Variants in PLAAT5 observed in about 807,000 individuals in gnomAD.
The protein encoded by PLAAT5 is phospholipase A and acyltransferase 5, also known as Ca(2+)-independent N-acyltransferase.
A neutral mutation model predicts 27.8 loss-of-function variants in PLAAT5; 27 were observed. The ratio of observed to expected loss-of-function variants is 0.97; its 90% CI spans 0.72 to 1.34. The LOEUF (loss-of-function observed/expected upper bound fraction) is 1.34. Among genes scored for constraint, PLAAT5 ranks in the 40% most tolerant of loss-of-function variants. PLAAT5 has a pLI of 0.00. For synonymous variants in PLAAT5, 125 were observed against 136.1 expected (o/e 0.92, Z 0.57); for missense variants, 368 against 343.8 (o/e 1.07, Z -0.56).
At chr11:63,473,064 C>T (rs923991532) in intron 3 of PLAAT5, among the ~76,000 whole-genome samples, 1 of 151,752 alleles carries the variant, frequency 6.6e-6, no homozygotes, top group African/African-American at 2.4e-5. Context: ...GAGCTGAGAT[C>T]GTGCCACTGC....
chr11:63,483,820 T>C (rs3015981), intron 3 of PLAAT5, among the ~76,000 whole-genome samples: 9 of 88,020 alleles, frequency 1.0e-4, no homozygotes, highest in African/African-American at 5.6e-4. Context: ...TATATATATA[T>C]ATATATATAT....
In PLAAT5 at chr11:63,490,243, C is replaced by T. The variant is rs2016529045; in HGVS notation, c.239G>A (p.Gly80Glu). ...TLEQGRSIQQ[G>E]EKAVVSLETT... ...GACCCCAACCTTACAATCTTCTTAC[C>T]CTTGCTGGATGCTTCTGCCCTGTTC... Residue 80 changes from glycine (G) to glutamate (E), a missense_variant and splice_region_variant, in exon 2 of 6, where the codon GGG (glycine) becomes GAG (glutamate). Physicochemically the swap from Gly to Glu is moderately conservative, Grantham distance 98. Transcript: ENST00000540857. 6.2e-7 allele frequency: 1 copy of T among 1,614,084 alleles called. No homozygotes were observed. Among genetic ancestry groups the T allele is most frequent in the African/African-American group, 1.3e-5 (1 of 74,934 alleles).
chr11:63,484,159 G>GAA (rs763657277), intron 3 of PLAAT5, among the ~76,000 whole-genome samples: 19 of 107,230 alleles, frequency 1.8e-4, no homozygotes, highest in African/African-American at 3.7e-4. Flanking sequence ...GCCAACAACA[G>GAA]AAAAAAAAAA....
chr11:63,490,137 G>A (rs2016525972), intron 2 of PLAAT5, 106 bp downstream of exon 2: 1 of 1,485,012 alleles, frequency 6.7e-7, no homozygotes, highest in Non-Finnish European at 9.3e-7. Context: ...CGGCTGGCTG[G>A]TTCACACAAA....
chr11:63,465,966 C>CTTA (rs2015849708), intron 5 of PLAAT5, 144 bp downstream of exon 5: 1 of 870,140 alleles, frequency 1.1e-6, no homozygotes, highest in Non-Finnish European at 1.7e-6. Context: ...CCTCCTGAAC[C>CTTA]ATAAAGTCCT....
chr11:63,478,360 A>T (rs1321907442), intron 3 of PLAAT5, among the ~76,000 whole-genome samples: 2 of 150,924 alleles, frequency 1.3e-5, no homozygotes, highest in Non-Finnish European at 2.9e-5. Flanking sequence ...TTGCTCTGTT[A>T]CCCAGGCTGG....
At chr11:63,472,982 C>T (rs1342224565) in intron 3 of PLAAT5, among the ~76,000 whole-genome samples, 10 of 151,930 alleles carry the variant, frequency 6.6e-5, no homozygotes, top group East Asian at 1.9e-4. Flanking sequence ...TGGTGGCACA[C>T]GCCTGTAGTC....
chr11:63,483,784 AATATATATATATATATGT>A (rs1246803180), intron 3 of PLAAT5, among the ~76,000 whole-genome samples: 27 of 65,674 alleles, frequency 4.1e-4, no homozygotes, highest in African/African-American at 1.1e-3. Flanking sequence ...GCAAAAAAAA[AATATATATATATATATGT>A]ATATATATAT....
chr11:63,475,831 A>G (rs1411956447), intron 3 of PLAAT5, among the ~76,000 whole-genome samples: 1 of 152,012 alleles, frequency 6.6e-6, no homozygotes, highest in Admixed American at 6.5e-5. Flanking sequence ...ACTTATTGCT[A>G]TCTACTTCAG....
intron 4 of PLAAT5, among the ~76,000 whole-genome samples, chr11:63,467,306 T>C (rs1329949786): frequency 6.6e-6 from 1 of 152,118 alleles, no homozygotes; most frequent in Non-Finnish European, 1.5e-5. Context: ...TCTGTGGTTG[T>C]ACAAGAGGGA....
At chr11:63,469,162 CAGGT>C (rs2015952333) in intron 3 of PLAAT5, among the ~76,000 whole-genome samples, 3 of 118,084 alleles carry the variant, frequency 2.5e-5, no homozygotes. Context: ...GAGAGAGAGA[CAGGT>C]AGAGAGAGAA....
chr11:63,476,888 C>T (rs781738811), intron 3 of PLAAT5, among the ~76,000 whole-genome samples: 45 of 152,064 alleles, frequency 3.0e-4, no homozygotes, highest in Non-Finnish European at 5.0e-4. Context: ...TTTCCTCCTA[C>T]TCTTCATACT....
intron 1 of PLAAT5, 106 bp from the exon 2 acceptor site, chr11:63,490,439 C>G: frequency 6.3e-7 from 1 of 1,581,698 alleles, no homozygotes; most frequent in Non-Finnish European, 8.6e-7. Context: ...AGCATCGTGC[C>G]TGGCCCCTGG....
Position 63,468,463 on chromosome 11 carries a change from T to C in PLAAT5, c.348A>G (p.Gly116=), listed in dbSNP as rs747039938. 1.9e-6 allele frequency: 3 copies of C among 1,612,210 alleles called. No homozygotes were observed. The highest frequency in any genetic ancestry group is 1.7e-5 in the Admixed American group (1 of 59,944). ...EGKLIKQAAE[G]KPRPRPGDLI... is the part of the protein sequence containing the mutation. ...GGTCTCCAGGTCTGGGTCTTGGTTT[T>C]CCCTATAATGGAAAAATAAAAGATA... The change falls in exon 4 of 6, where the codon GGA becomes GGG. Residue 116 remains glycine, a splice_region_variant and synonymous_variant. Coordinates refer to ENST00000540857, the MANE Select transcript of PLAAT5 (RefSeq NM_001146729.2).
chr11:63,484,262 G>C lies in PLAAT5; in HGVS notation c.345+4609C>G, dbSNP rs1195070690. On this transcript the variant is annotated intron_variant, in intron 3 of 5. Transcript: ENST00000540857. ...TACTGAAACTATTCCAAAAGACAGA[G>C]AAAGGGGGAATGCTCCCTAAATCCT... Among the ~76,000 whole-genome samples the C allele has an allele frequency of 2.7e-5, 4 of 150,292 alleles. No homozygotes were observed. The East Asian group carries it at 7.8e-4, about 29-fold the overall frequency.
chr11:63,471,288 C>T (rs973942071), intron 3 of PLAAT5, among the ~76,000 whole-genome samples: 1 of 152,092 alleles, frequency 6.6e-6, no homozygotes, highest in Admixed American at 6.5e-5. Flanking sequence ...AAAGCCAAAA[C>T]TGTCAGATTT....
rs71039646 is a variant in PLAAT5 at position 63,483,801 on chromosome 11, GTATATATATATATATATATATATATA to G, written c.345+5044_345+5069del. Among the ~76,000 whole-genome samples, 65 of 24,138 alleles carry G rather than the reference GTATATATATATATATATATATATATA, an allele frequency of 2.7e-3. 2 individuals are homozygous for G. Among genetic ancestry groups the G allele is most frequent in the East Asian group, 0.016 (11 of 708 alleles). 15.8% of individuals were successfully genotyped at this position (24,138 alleles called of 152,430 possible). On this transcript the variant is annotated intron_variant, in intron 3 of 5. Coordinates refer to ENST00000540857, the MANE Select transcript of PLAAT5 (RefSeq NM_001146729.2). ...AAAAAAAAAATATATATATATATAT[GTATATATATATATATATATATATATA>G]TATATATATATATATACACATATAT...
At chr11:63,490,180 T>C (rs896775369) in intron 2 of PLAAT5, 63 bp downstream of exon 2, 36 of 1,610,652 alleles carry the variant, frequency 2.2e-5, no homozygotes, top group Non-Finnish European at 3.1e-5. Context: ...CAGAACTGCA[T>C]TCCAAGTCAA....
rs1212836205 is a variant in PLAAT5 at position 63,462,830 on chromosome 11, G to A, written c.*673C>T. 6.6e-6 allele frequency: 1 copy of A among 152,074 alleles called. No homozygotes were observed. Among genetic ancestry groups the A allele is most frequent in the African/African-American group, 2.4e-5 (1 of 41,372 alleles). 9.4% of individuals were successfully genotyped at this position (152,074 alleles called of 1,614,324 possible). A position where few individuals can be genotyped will look rare whatever the true frequency, so the allele number is the denominator to read the frequency against. ...GAGACTAGAAACTTCACATTTTAGGGTAATTATGAGGTACAAAAGCAAGAT... is the reference window on the plus strand; with the variant it reads ...GAGACTAGAAACTTCACATTTTAGGATAATTATGAGGTACAAAAGCAAGAT... On this transcript the variant is annotated 3_prime_UTR_variant, in exon 6 of 6. Coordinates refer to ENST00000540857, the MANE Select transcript of PLAAT5 (RefSeq NM_001146729.2).
Sources: allele counts gnomAD v4.1 joint callset (sites outside exome capture counted in the v4.1 genomes callset), GRCh38; gene constraint gnomAD v4.1.1; transcripts MANE v1.5; gene names NCBI Gene and HGNC (gene_info 2026-07-23, HGNC 2026-07-21).